Variants in FOXP2 observed in about 807,000 individuals in gnomAD.
FOXP2 encodes forkhead box protein P2.
Under a neutral mutation model 115.8 loss-of-function variants are expected in FOXP2, and 12 were observed. The ratio of observed to expected loss-of-function variants is 0.10; its 90% CI spans 0.07 to 0.17. The LOEUF (loss-of-function observed/expected upper bound fraction) is 0.17, where lower values mean the gene tolerates loss of function less well. Ranked by LOEUF, FOXP2 falls within the 10% of genes least tolerant of loss-of-function variation. The probability of loss-of-function intolerance (pLI) is 1.00; values close to 1 mark genes in which losing one functional copy is unlikely to be tolerated. For missense variants in FOXP2, 629 were observed against 843.5 expected (o/e 0.75, Z 3.15); for synonymous variants, 328 against 297.7 (o/e 1.10, Z -1.05).
intron 2 of FOXP2, among the ~76,000 whole-genome samples, chr7:114,506,490 A>G (rs752876288): frequency 2.6e-4 from 39 of 151,696 alleles, no homozygotes; most frequent in Non-Finnish European, 5.3e-4. Context: ...AGGAAAATTT[A>G]ATCATGGATT....
At chr7:114,583,066 T>G (rs1160857109) in intron 3 of FOXP2, among the ~76,000 whole-genome samples, 1 of 152,180 alleles carries the variant, frequency 6.6e-6, no homozygotes, top group Non-Finnish European at 1.5e-5. Flanking sequence ...CACCTTGCTC[T>G]TAGAGTCCAC....
intron 2 of FOXP2, among the ~76,000 whole-genome samples, chr7:114,400,618 G>A (rs73434150): frequency 6.6e-6 from 1 of 152,116 alleles, no homozygotes; most frequent in Non-Finnish European, 1.5e-5. Context: ...GGTGGGGTCG[G>A]GGGGAATGGC....
At chr7:114,410,045 C>G (rs1372143053), upstream of FOXP2, among the ~76,000 whole-genome samples, 1 of 152,060 alleles carries the variant, frequency 6.6e-6, no homozygotes, top group East Asian at 1.9e-4. Flanking sequence ...TATATTTCCT[C>G]TTAAAAAAAT....
chr7:114,116,649 A>T (rs1791415117), intron 1 of FOXP2, among the ~76,000 whole-genome samples: 1 of 152,198 alleles, frequency 6.6e-6, no homozygotes, highest in African/African-American at 2.4e-5. Flanking sequence ...ACATTTAAAG[A>T]TAAAAGCTGG....
At chr7:114,092,988 G>A (rs887519289) in intron 1 of FOXP2, among the ~76,000 whole-genome samples, 1 of 152,128 alleles carries the variant, frequency 6.6e-6, no homozygotes, top group Non-Finnish European at 1.5e-5. Flanking sequence ...TAACTACTTA[G>A]TTGATCCTGC....
chr7:114,466,503 A>T (rs1046184653), intron 2 of FOXP2, among the ~76,000 whole-genome samples: 2 of 152,120 alleles, frequency 1.3e-5, no homozygotes, highest in Non-Finnish European at 2.9e-5. Flanking sequence ...TTGTACTGTC[A>T]TTGGAGATTC....
At chr7:114,472,847 G>A (rs896908959) in intron 2 of FOXP2, among the ~76,000 whole-genome samples, 5 of 152,120 alleles carry the variant, frequency 3.3e-5, no homozygotes, top group Non-Finnish European at 7.3e-5. Context: ...GAGTGTGTGT[G>A]TGGGTAGGTG....
At chr7:114,412,986 A>T (rs1469924071), upstream of FOXP2, among the ~76,000 whole-genome samples, 1 of 152,142 alleles carries the variant, frequency 6.6e-6, no homozygotes, top group East Asian at 1.9e-4. Context: ...CAGAGGTATC[A>T]ATTTTTTTAA....
intron 1 of FOXP2, among the ~76,000 whole-genome samples, chr7:114,255,149 A>G (rs1024575966): frequency 3.3e-5 from 5 of 152,136 alleles, no homozygotes; most frequent in Non-Finnish European, 7.4e-5. Context: ...TTTTTCCTCT[A>G]GAAGCCTGGT....
intron 2 of FOXP2, among the ~76,000 whole-genome samples, chr7:114,350,778 A>G (rs535847500): frequency 6.6e-6 from 1 of 152,270 alleles, no homozygotes; most frequent in South Asian, 2.1e-4. Context: ...TATTCAAAAT[A>G]TTCATATTTT....
intron 2 of FOXP2, among the ~76,000 whole-genome samples, chr7:114,450,131 A>G (rs1795008091): frequency 2.6e-5 from 4 of 151,836 alleles, no homozygotes; most frequent in Admixed American, 2.6e-4. Flanking sequence ...GTAAGCAAAC[A>G]CTAGCTTTGA....
intron 1 of FOXP2, among the ~76,000 whole-genome samples, chr7:114,136,055 T>C (rs1436700841): frequency 6.6e-6 from 1 of 152,084 alleles, no homozygotes; most frequent in Non-Finnish European, 1.5e-5. Flanking sequence ...TAAAACACAA[T>C]TCTGGGGAGG....
At chr7:114,343,562 G>T (rs939449215) in intron 2 of FOXP2, among the ~76,000 whole-genome samples, 4 of 151,562 alleles carry the variant, frequency 2.6e-5, no homozygotes, top group Non-Finnish European at 5.9e-5. Flanking sequence ...AACCAATAAT[G>T]ATTTATATTA....
At chr7:114,097,307 TC>T (rs1365329635) in intron 1 of FOXP2, among the ~76,000 whole-genome samples, 4 of 152,192 alleles carry the variant, frequency 2.6e-5, no homozygotes, top group African/African-American at 7.2e-5. Flanking sequence ...ACCATCTAGT[TC>T]CTGGTAACCA....
rs377616350 is a variant in FOXP2 at position 114,662,223 on chromosome 7, A to C, written c.1769+37A>C. On this transcript the variant is annotated intron_variant, in intron 14 of 16. Coordinates refer to ENST00000350908, the MANE Select transcript of FOXP2 (RefSeq NM_014491.4). Reference sequence around the variant, plus strand: ...ATAGTTTTGTAATCCTGTATCCTGCATCCACCAGGAAAAGTAAATACTTTA... The same window carrying C: ...ATAGTTTTGTAATCCTGTATCCTGCCTCCACCAGGAAAAGTAAATACTTTA... The C allele has an allele frequency of 1.9e-6, 3 of 1,610,416 alleles. No homozygotes were observed. In the African/African-American group the frequency reaches 4.0e-5, roughly 22 times the overall value.
At chr7:114,506,052 C>T (rs1330266704) in intron 2 of FOXP2, among the ~76,000 whole-genome samples, 1 of 145,258 alleles carries the variant, frequency 6.9e-6, no homozygotes, top group Non-Finnish European at 1.6e-5. Context: ...CAAAAAAAAG[C>T]TAATACCAGT....
intron 3 of FOXP2, among the ~76,000 whole-genome samples, chr7:114,571,985 A>G (rs950793019): frequency 5.9e-5 from 9 of 151,744 alleles, no homozygotes; most frequent in African/African-American, 1.9e-4. Flanking sequence ...TCTATACATA[A>G]TATTTCCTAA....
chr7:114,488,286 C>A (rs190941907), intron 2 of FOXP2, among the ~76,000 whole-genome samples: 7 of 152,228 alleles, frequency 4.6e-5, no homozygotes, highest in Admixed American at 2.6e-4. Flanking sequence ...CCGGGTTTCT[C>A]CCAAGACTCA....
At chr7:114,246,920 G>A (rs1795299307) in intron 1 of FOXP2, among the ~76,000 whole-genome samples, 1 of 152,062 alleles carries the variant, frequency 6.6e-6, no homozygotes, top group Admixed American at 6.6e-5. Flanking sequence ...AAAAATTGTG[G>A]TGGACTATAT....
Sources: gnomAD v4.1 joint callset for allele counts (sites outside exome capture counted in the v4.1 genomes callset) on GRCh38, gnomAD v4.1.1 for gene constraint, MANE v1.5 for transcripts, NCBI Gene and HGNC (gene_info 2026-07-23, HGNC 2026-07-21) for gene names.